The following CAMK2D variants were observed in gnomAD, a reference collection of about 807,000 sequenced individuals.
CAMK2D encodes the protein calcium/calmodulin dependent protein kinase II delta, also known as calcium/calmodulin-dependent protein kinase type II subunit delta.
CAMK2D carries 37 observed loss-of-function variants against 84.0 expected under a neutral mutation model. That is an observed-to-expected ratio of 0.44 (90% CI 0.34 to 0.58). The LOEUF (loss-of-function observed/expected upper bound fraction) is 0.58. Among genes scored for constraint, CAMK2D ranks in the 20% least tolerant of loss-of-function variants. CAMK2D has a pLI of 0.02. For synonymous variants in CAMK2D, 202 were observed against 212.5 expected, an observed-to-expected ratio of 0.95 and a Z score of 0.43; for missense variants, 448 against 652.5, an observed-to-expected ratio of 0.69 and a Z score of 3.41.
intron 4 of CAMK2D, among the ~76,000 whole-genome samples, chr4:113,577,470 C>T (rs1006577218): frequency 6.6e-5 from 10 of 152,164 alleles, no homozygotes; most frequent in African/African-American, 2.2e-4. Flanking sequence ...CCTCCTTCAT[C>T]CACATACACT....
intron 2 of CAMK2D, among the ~76,000 whole-genome samples, chr4:113,709,746 G>GAGATAT (rs1554070631): frequency 4.0e-5 from 2 of 49,824 alleles, no homozygotes; most frequent in Non-Finnish European, 6.9e-5. Context: ...AGCCGTGAAC[G>GAGATAT]ATATATATAT....
intron 2 of CAMK2D, among the ~76,000 whole-genome samples, chr4:113,689,298 A>C (rs1271783494): frequency 1.3e-5 from 2 of 152,278 alleles, no homozygotes; most frequent in South Asian, 4.1e-4. Context: ...TTATTTTCCA[A>C]TTAATTTCCT....
chr4:113,692,064 G>T (rs2099388639), intron 2 of CAMK2D, among the ~76,000 whole-genome samples: 1 of 152,166 alleles, frequency 6.6e-6, no homozygotes, highest in Non-Finnish European at 1.5e-5. Flanking sequence ...AAGAGTTCTT[G>T]CTAAGTGCCT....
intron 12 of CAMK2D, among the ~76,000 whole-genome samples, chr4:113,510,344 C>A (rs540765179): frequency 6.6e-6 from 1 of 152,156 alleles, no homozygotes; most frequent in Admixed American, 6.6e-5. Context: ...TAAACAAAAG[C>A]CTTTACAATG....
intron 4 of CAMK2D, among the ~76,000 whole-genome samples, chr4:113,595,461 TG>T (rs2154254743): frequency 6.6e-6 from 1 of 152,106 alleles, no homozygotes; most frequent in East Asian, 1.9e-4. Context: ...TGTGTGTGTG[TG>T]TGTGTGTGTG....
At chr4:113,649,876 G>A (rs747617800) in intron 3 of CAMK2D, among the ~76,000 whole-genome samples, 1 of 152,094 alleles carries the variant, frequency 6.6e-6, no homozygotes, top group Non-Finnish European at 1.5e-5. Flanking sequence ...GAGATCAGGA[G>A]TTTGAGACCA....
intron 4 of CAMK2D, among the ~76,000 whole-genome samples, chr4:113,562,004 G>A (rs1012688746): frequency 2.0e-5 from 3 of 152,074 alleles, no homozygotes; most frequent in African/African-American, 4.8e-5. Context: ...AAGCATACAC[G>A]CCCACTTAGT....
rs143654780 is a variant in CAMK2D, at chr4:113,462,266, A to ATGTGTGTGTGTGTGTGTG, written c.1212-2043_1212-2026dup. ...TGAAAAAGAGTCAGTATATTTGGAA[A>ATGTGTGTGTGTGTGTGTG]TGTGTGTGTGTGTGTGTGTGTGTGT... is the stretch of plus-strand genomic sequence containing the variant. On this transcript the variant is annotated intron_variant, in intron 17 of 20. Transcript: ENST00000511664. 1.5e-4 allele frequency among the ~76,000 whole-genome samples: 17 copies of ATGTGTGTGTGTGTGTGTG among 109,932 alleles called. 1 individual carries two copies. The South Asian group carries it at 4.3e-3, about 28-fold the overall frequency. The allele number at this position is 109,932 out of a possible 152,430, so 72.1% of individuals were successfully genotyped here.
chr4:113,495,104 C>T (rs1022792510), intron 16 of CAMK2D, among the ~76,000 whole-genome samples: 10 of 152,270 alleles, frequency 6.6e-5, no homozygotes, highest in South Asian at 2.1e-4. Context: ...CCGTCTTCTG[C>T]GTCGCTCAAG....
At chr4:113,628,526 T>C (rs982134488) in intron 3 of CAMK2D, among the ~76,000 whole-genome samples, 1 of 152,166 alleles carries the variant, frequency 6.6e-6, no homozygotes, top group Non-Finnish European at 1.5e-5. Flanking sequence ...GATTTTGTTA[T>C]CTATCATACT....
At chr4:113,454,556 T>G in intron 20 of CAMK2D, 41 bp from the exon 21 acceptor site, 1 of 775,872 alleles carries the variant, frequency 1.3e-6, no homozygotes, top group South Asian at 1.3e-5. Context: ...ATTATATTGT[T>G]TTACAAAATA....
At chr4:113,518,325 A>G (rs1260178776) in intron 8 of CAMK2D, among the ~76,000 whole-genome samples, 4 of 152,214 alleles carry the variant, frequency 2.6e-5, no homozygotes, top group Non-Finnish European at 5.9e-5. Context: ...AATAATAACA[A>G]TAAACACATG....
chr4:113,641,264 TGTA>T, intron 3 of CAMK2D, among the ~76,000 whole-genome samples: 1 of 152,288 alleles, frequency 6.6e-6, no homozygotes. Context: ...ATCAAACAAA[TGTA>T]TTTGAATCCT....
chr4:113,459,268 G>A (rs180858426), intron 18 of CAMK2D, among the ~76,000 whole-genome samples: 1 of 152,056 alleles, frequency 6.6e-6, no homozygotes, highest in Non-Finnish European at 1.5e-5. Flanking sequence ...ACCCAGGCAG[G>A]AGTCCAGTGG....
intron 16 of CAMK2D, among the ~76,000 whole-genome samples, chr4:113,493,297 T>C (rs1020215504): frequency 6.6e-6 from 1 of 152,148 alleles, no homozygotes. Context: ...TTCCTTTCCA[T>C]GTTTAGTGCT....
At chr4:113,673,855 T>G (rs943644670) in intron 2 of CAMK2D, among the ~76,000 whole-genome samples, 8 of 152,230 alleles carry the variant, frequency 5.3e-5, no homozygotes, top group Non-Finnish European at 7.3e-5. Flanking sequence ...ACTGTTCTTG[T>G]GACTAAAAGA....
intron 7 of CAMK2D, among the ~76,000 whole-genome samples, chr4:113,535,054 T>G (rs2098480561): frequency 6.6e-6 from 1 of 152,212 alleles, no homozygotes; most frequent in South Asian, 2.1e-4. Context: ...CAAACATAGC[T>G]GCTGATGCTA....
rs531877871 is a variant in CAMK2D, at chr4:113,451,345, G to A, written c.*3200C>T. The A allele has an allele frequency of 9.9e-5, 15 of 152,114 alleles. No individual in the cohort carries two copies. Among genetic ancestry groups the A allele is most frequent in the Non-Finnish European group, 1.6e-4 (11 of 68,016 alleles). 9.4% of individuals were successfully genotyped at this position (152,114 alleles called of 1,614,324 possible). On this transcript the variant is annotated 3_prime_UTR_variant, in exon 21 of 21. Transcript: ENST00000511664. The stretch of plus-strand genomic sequence containing the variant: ...CAAAACAAGAGTTGTATACCCTCGT[G>A]AGCAAAGAATAATAACAATAGGAAT...
rs188919058 is a variant in CAMK2D at position 113,725,724 on chromosome 4, G to C, written c.160+33596C>G. 3.2e-3 allele frequency among the ~76,000 whole-genome samples: 485 copies of C among 151,922 alleles called. 1 individual carries two copies. Among genetic ancestry groups the C allele is most frequent in the Non-Finnish European group, 5.7e-3 (385 of 67,938 alleles). On this transcript the variant is annotated intron_variant, in intron 2 of 20. Coordinates refer to ENST00000511664, the MANE Select transcript of CAMK2D (RefSeq NM_001321571.2). ...TACCATGGTCTGTAAATTAACTACT[G>C]TAATTAACTGGATTTAGAAAAAAAA...
Sources: allele counts gnomAD v4.1 joint callset (sites outside exome capture counted in the v4.1 genomes callset), GRCh38; gene constraint gnomAD v4.1.1; transcripts MANE v1.5; gene names NCBI Gene and HGNC (gene_info 2026-07-23, HGNC 2026-07-21).